Variants in LPA observed in about 807,000 individuals in gnomAD.
LPA encodes lipoprotein(a).
In LPA, 199 loss-of-function variants were observed where a neutral mutation model predicts 197.9. The ratio of observed to expected loss-of-function variants is 1.01; its 90% confidence interval spans 0.90 to 1.13. The LOEUF is 1.13. LPA is among the 50% of genes most tolerant of loss of function. LPA has a pLI of 0.00. For missense variants in LPA, 1,853 were observed against 1,785.8 expected (o/e 1.04, Z -0.68); for synonymous variants, 715 against 639.5 (o/e 1.12, Z -1.78).
chr6:160,634,619 T>A (rs1200237102), intron 7 of LPA, among the ~76,000 whole-genome samples: 1 of 149,142 alleles, frequency 6.7e-6, no homozygotes, highest in African/African-American at 2.5e-5. Context: ...CTGAAGAGCC[T>A]TAGAGCATTG....
At position 160,548,314 on chromosome 6, in the gene LPA, C is replaced by T. The variant is rs41264340; in HGVS notation, c.5155+164G>A. On this transcript the variant is annotated intron_variant, in intron 31 of 38. Coordinates refer to ENST00000316300, the MANE Select transcript of LPA (RefSeq NM_005577.4). ...ATCACAGCTCTGGCTTTCCCAGGGACGGCACTGAGACTTCCTTGGTCATGG... is the reference window on the plus strand; with the variant it reads ...ATCACAGCTCTGGCTTTCCCAGGGATGGCACTGAGACTTCCTTGGTCATGG... Among the ~76,000 whole-genome samples, 1,321 of 152,262 alleles carry T rather than the reference C, an allele frequency of 8.7e-3. 27 individuals are homozygous for T. The highest frequency in any genetic ancestry group is 0.031 in the African/African-American group (1,269 of 41,548).
intron 30 of LPA, among the ~76,000 whole-genome samples, chr6:160,549,608 G>GA (rs1350172228): frequency 6.6e-5 from 10 of 152,128 alleles, no homozygotes; most frequent in African/African-American, 2.2e-4. Context: ...CATTTACAGT[G>GA]AAAAACAACC....
At chr6:160,607,402 G>A (rs532282346) in intron 16 of LPA, among the ~76,000 whole-genome samples, 2 of 152,172 alleles carry the variant, frequency 1.3e-5, no homozygotes, top group South Asian at 2.1e-4. Context: ...TCTGCTGGCC[G>A]CAGCTACTCT....
At chr6:160,611,340 C>A (rs1024346024) in intron 16 of LPA, among the ~76,000 whole-genome samples, 3 of 152,076 alleles carry the variant, frequency 2.0e-5, no homozygotes, top group Admixed American at 6.5e-5. Flanking sequence ...CTCCTCGCCT[C>A]CTCATTTCCC....
intron 28 of LPA, among the ~76,000 whole-genome samples, chr6:160,563,801 C>A (rs1376513993): frequency 1.3e-5 from 2 of 152,228 alleles, no homozygotes; most frequent in East Asian, 1.9e-4. Context: ...TGCATTGATA[C>A]TTTTACCATT....
At chr6:160,573,762 C>T (rs772853595) in intron 28 of LPA, among the ~76,000 whole-genome samples, 2 of 152,130 alleles carry the variant, frequency 1.3e-5, no homozygotes, top group Non-Finnish European at 2.9e-5. Context: ...TGTACAGAGT[C>T]CTGTGATGTG....
At chr6:160,558,125 T>C (rs1778299589) in intron 28 of LPA, among the ~76,000 whole-genome samples, 1 of 152,118 alleles carries the variant, frequency 6.6e-6, no homozygotes, top group Admixed American at 6.5e-5. Context: ...TTCACCGTGT[T>C]AGCCAGGATG....
intron 28 of LPA, among the ~76,000 whole-genome samples, chr6:160,565,108 T>C (rs1304732303): frequency 6.6e-6 from 1 of 152,194 alleles, no homozygotes; most frequent in Non-Finnish European, 1.5e-5. Flanking sequence ...AGGGCATAGC[T>C]GAACAAAAGG....
intron 20 of LPA, among the ~76,000 whole-genome samples, chr6:160,596,848 T>A (rs1181448458): frequency 6.6e-6 from 1 of 152,186 alleles, no homozygotes; most frequent in Non-Finnish European, 1.5e-5. Context: ...CTAAAGACAT[T>A]CACTGCATCT....
At chr6:160,567,658 A>G (rs1320370211) in intron 28 of LPA, among the ~76,000 whole-genome samples, 2 of 152,214 alleles carry the variant, frequency 1.3e-5, no homozygotes, top group Admixed American at 6.5e-5. Flanking sequence ...GCAGAACTGA[A>G]GGAGATAGAG....
At chr6:160,635,626 C>T (rs1237700140) in intron 6 of LPA, among the ~76,000 whole-genome samples, 1 of 124,900 alleles carries the variant, frequency 8.0e-6, no homozygotes, top group African/African-American at 3.3e-5. Flanking sequence ...CCCAATCCAT[C>T]TCTCTGGAAT....
intron 1 of LPA, among the ~76,000 whole-genome samples, chr6:160,653,984 AT>A: frequency 3.6e-5 from 1 of 27,836 alleles, no homozygotes; most frequent in South Asian, 1.1e-3. Context: ...AATATATAAT[AT>A]ATAATATATA....
rs894654870 is a variant in LPA at position 160,576,524 on chromosome 6, A to T, written c.4631+612T>A. 5.5e-5 allele frequency among the ~76,000 whole-genome samples: 8 copies of T among 144,764 alleles called. No homozygotes were observed. In the Admixed American group the frequency reaches 5.6e-4, roughly 10 times the overall value. 95.0% of individuals were successfully genotyped at this position (144,764 alleles called of 152,430 possible). A position where few individuals can be genotyped will look rare whatever the true frequency, so the allele number is the denominator to read the frequency against. On this transcript the variant is annotated intron_variant, in intron 28 of 38. Transcript: ENST00000316300. ...TAAATATTTAAAATGTTATATTAAA[A>T]TATATAAAAATACTCAGACATACAT...
chr6:160,548,377 T>C, intron 31 of LPA, 101 bp downstream of exon 31: 4 of 1,242,254 alleles, frequency 3.2e-6, no homozygotes, highest in Non-Finnish European at 4.6e-6. Context: ...CGTGTAGCAC[T>C]AAAGGCTTCT....
chr6:160,540,184 C>A lies in LPA; in HGVS notation c.5595-1G>T. The A allele has an allele frequency of 6.2e-7, 1 of 1,614,088 alleles. No individual in the cohort carries two copies. Among genetic ancestry groups the A allele is most frequent in the South Asian group, 1.1e-5 (1 of 91,074 alleles). On this transcript the variant is annotated splice_acceptor_variant, in intron 35 of 38. Coordinates refer to ENST00000316300, the MANE Select transcript of LPA (RefSeq NM_005577.4). LOFTEE classifies it high-confidence loss of function. ...CTTGTAGGATGAAGGCCTTGAGGAC[C>A]TAGAAAAGATGAGGATGTCAAGAGA...
At chr6:160,561,447 C>A (rs1331328471) in intron 28 of LPA, among the ~76,000 whole-genome samples, 1 of 152,098 alleles carries the variant, frequency 6.6e-6, no homozygotes, top group Non-Finnish European at 1.5e-5. Flanking sequence ...GGTACCAGTA[C>A]CATACCATGC....
At chr6:160,584,929 C>T in intron 26 of LPA, 117 bp downstream of exon 26, 1 of 1,058,818 alleles carries the variant, frequency 9.4e-7, no homozygotes, top group South Asian at 1.3e-5. Context: ...AGACATTTTG[C>T]TACAAACTCT....
chr6:160,600,380 C>T (rs997301993), intron 19 of LPA, among the ~76,000 whole-genome samples: 3 of 152,160 alleles, frequency 2.0e-5, no homozygotes, highest in African/African-American at 7.2e-5. Flanking sequence ...CTAAGAACTG[C>T]ACAACCTGCC....
At chr6:160,571,884 G>T (rs1778568416) in intron 28 of LPA, among the ~76,000 whole-genome samples, 1 of 152,116 alleles carries the variant, frequency 6.6e-6, no homozygotes, top group Non-Finnish European at 1.5e-5. Context: ...GGGGGTGAAT[G>T]GTTCTGTCTT....
Sources: gnomAD v4.1 joint callset for allele counts (sites outside exome capture counted in the v4.1 genomes callset) on GRCh38, gnomAD v4.1.1 for gene constraint, MANE v1.5 for transcripts, NCBI Gene and HGNC (gene_info 2026-07-23, HGNC 2026-07-21) for gene names.